Variants in DUS3L observed in about 807,000 individuals in gnomAD.
The protein encoded by DUS3L is tRNA-dihydrouridine(47) synthase [NAD(P)(+)]-like.
DUS3L carries 62 observed loss-of-function variants against 74.6 expected under a neutral mutation model. That is an observed-to-expected ratio of 0.83 (90% CI 0.68 to 1.03). The LOEUF is 1.03. Ranked by LOEUF, DUS3L falls within the 50% of genes least tolerant of loss-of-function variation. The pLI, the probability that DUS3L is intolerant of heterozygous loss-of-function variation, is 0.00. For synonymous variants in DUS3L, 433 were observed against 395.7 expected, an observed-to-expected ratio of 1.09 and a Z score of -1.12; for missense variants, 884 against 924.4, an observed-to-expected ratio of 0.96 and a Z score of 0.57.
In DUS3L at chr19:5,786,774, C is replaced by T; in HGVS notation, c.1461G>A (p.Gln487=). Residue 487 remains glutamine, a synonymous_variant, in exon 9 of 13, where the codon CAG becomes CAA. Coordinates refer to ENST00000309061, the MANE Select transcript of DUS3L (RefSeq NM_020175.3). ...ADWQYIEECV[Q]AASPMPLFGN... is the part of the protein sequence containing the mutation. ...CGAACAGGGGCATGGGGCTGGCGGC[C>T]TGCACGCACTCCTCGATGTACTGCC... 2 of 1,612,206 alleles carry T rather than the reference C, an allele frequency of 1.2e-6. No individual in the cohort carries two copies. Among genetic ancestry groups the T allele is most frequent in the Non-Finnish European group, 1.7e-6 (2 of 1,179,830 alleles).
At position 5,786,560 on chromosome 19, in the gene DUS3L, G is replaced by A; in HGVS notation, c.1487-18C>T. ...CCCATTTCCTGAGGAGACAGAGGCT[G>A]GGGTCTCAGGGAGACATGGGCAGGT... On this transcript the variant is annotated intron_variant, in intron 9 of 12. Transcript: ENST00000309061. The A allele has an allele frequency of 6.2e-7, 1 of 1,611,714 alleles. No homozygotes were observed.
chr19:5,787,932 C>A, intron 5 of DUS3L, 92 bp downstream of exon 5: 1 of 1,553,978 alleles, frequency 6.4e-7, no homozygotes, highest in South Asian at 1.2e-5. Flanking sequence ...GCCAGGGGGT[C>A]AGGGAGGCAA....
intron 1 of DUS3L, among the ~76,000 whole-genome samples, chr19:5,790,668 T>C (rs76694044): frequency 0.017 from 2,614 of 152,074 alleles, 39 homozygotes; most frequent in Middle Eastern, 0.037. Flanking sequence ...TTTCGGCCCT[T>C]CAAACACCGC....
At chr19:5,789,085 TC>T in intron 3 of DUS3L, 121 bp downstream of exon 3, 1 of 1,375,476 alleles carries the variant, frequency 7.3e-7, no homozygotes, top group Admixed American at 3.0e-5. Flanking sequence ...AGCCAGGAGC[TC>T]CCTCAAGGCA....
chr19:5,786,193 C>T (rs908866838), intron 10 of DUS3L, among the ~76,000 whole-genome samples: 3 of 152,188 alleles, frequency 2.0e-5, no homozygotes, highest in Admixed American at 1.3e-4. Flanking sequence ...AAATGATCGG[C>T]GTGCCTTGGC....
rs886452751 is a variant in DUS3L at position 5,789,705 on chromosome 19, C to T, written c.402G>A (p.Lys134=). 10 of 1,605,878 alleles carry T rather than the reference C, an allele frequency of 6.2e-6. No individual in the cohort carries two copies. The highest frequency in any genetic ancestry group is 7.6e-6 in the Non-Finnish European group (9 of 1,177,268). ...CPSLIQESAA[K]CFFGDRCRFL... is the part of the protein sequence containing the mutation. The stretch of plus-strand genomic sequence containing the variant: ...AGCGGCAGCGATCACCGAAGAAACA[C>T]TTAGCAGCCGACTCCTGCGAGGAAA... The change falls in exon 3 of 13, where the codon AAG becomes AAA. Residue 134 remains lysine, a synonymous_variant. Transcript: ENST00000309061.
chr19:5,786,508 G>A lies in DUS3L; in HGVS notation c.1521C>T (p.Asn507=). The A allele has an allele frequency of 1.2e-6, 2 of 1,613,156 alleles. No individual in the cohort carries two copies. The highest frequency in any genetic ancestry group is 1.7e-4 in the Middle Eastern group (1 of 6,050). The change falls in exon 10 of 13, where the codon AAC becomes AAT. Residue 507 remains asparagine (N), a synonymous_variant. Coordinates refer to ENST00000309061, the MANE Select transcript of DUS3L (RefSeq NM_020175.3). ...CGGTGACACCAGTCTGCATGGCGCG[G>A]TTGGCATCCTCAAATGACAAGATGT... ...NGDILSFEDA[N]RAMQTGVTGI...
chr19:5,789,805 T>C (rs2056892044), intron 2 of DUS3L, 86 bp from the exon 3 acceptor site: 4 of 1,505,524 alleles, frequency 2.7e-6, no homozygotes, highest in African/African-American at 2.8e-5. Context: ...AGATCACCCC[T>C]CCTGGCTCTT....
In DUS3L at chr19:5,785,725, C is replaced by A; in HGVS notation, c.1629G>T (p.Ser543=). ...CCCGCAGGATGTCCAGGCGCTCGGA[C>A]GACGAGATGTCCCAGTGCCGCTGCT... ...IKEQRHWDIS[S]SERLDILRDF... Residue 543 remains serine (S), a synonymous_variant, in exon 11 of 13, where the codon TCG becomes TCT. Transcript: ENST00000309061. 1 of 1,611,776 alleles carries A rather than the reference C, an allele frequency of 6.2e-7. No individual in the cohort carries two copies. Among genetic ancestry groups the A allele is most frequent in the Admixed American group, 1.7e-5 (1 of 59,876 alleles).
Position 5,785,794 on chromosome 19 carries a change from G to A in DUS3L, c.1563-3C>T. ...GCCACGGCTTGAGCAGGGCGCCACT[G>A]TGGGACGGGTGACGATCAGTGGGCC... is the stretch of plus-strand genomic sequence containing the variant. On this transcript the variant is annotated splice_region_variant and splice_polypyrimidine_tract_variant and intron_variant, in intron 10 of 12. Transcript: ENST00000309061. 6.3e-7 allele frequency: 1 copy of A among 1,580,728 alleles called. No homozygotes were observed. Among genetic ancestry groups the A allele is most frequent in the South Asian group, 1.1e-5 (1 of 87,036 alleles).
chr19:5,788,388 C>T lies in DUS3L; in HGVS notation c.911G>A (p.Arg304His), dbSNP rs947392873. ...GAGGGGGGCCAGGTAAAGTTTGCCA[C>T]GGATGTCCAGCTGGAGGGAAAAAAA... is the stretch of plus-strand genomic sequence containing the variant. The part of the protein sequence containing the change: ...RPCEKKRLDI[R>H]GKLYLAPLTT... The change falls in exon 4 of 13, where the codon CGT (arginine) becomes CAT (histidine). Residue 304 changes from arginine to histidine, a missense_variant. Physicochemically the swap from Arg to His is conservative, Grantham distance 29. Coordinates refer to ENST00000309061, the MANE Select transcript of DUS3L (RefSeq NM_020175.3). 7.4e-6 allele frequency: 12 copies of T among 1,613,466 alleles called. No homozygotes were observed. Among genetic ancestry groups the T allele is most frequent in the African/African-American group, 4.0e-5 (3 of 74,932 alleles).
In DUS3L at chr19:5,789,682, C is replaced by T; in HGVS notation, c.425G>A (p.Arg142His). 5 of 1,608,824 alleles carry T rather than the reference C, an allele frequency of 3.1e-6. No homozygotes were observed. The highest frequency in any genetic ancestry group is 1.7e-5 in the Admixed American group (1 of 59,198). ...AAKCFFGDRCRFLHDVGRYLE... is the reference protein window; with the variant it reads ...AAKCFFGDRCHFLHDVGRYLE... ...GTAGCGCCCCACGTCGTGCAGAAAG[C>T]GGCAGCGATCACCGAAGAAACACTT... is the stretch of plus-strand genomic sequence containing the variant. The change falls in exon 3 of 13, where the codon CGC becomes CAC. Residue 142 changes from arginine (R) to histidine (H), a missense_variant. Arg to His is a conservative substitution (Grantham distance 29). Coordinates refer to ENST00000309061, the MANE Select transcript of DUS3L (RefSeq NM_020175.3).
At chr19:5,790,652 C>T (rs1227056989) in intron 1 of DUS3L, among the ~76,000 whole-genome samples, 3 of 152,192 alleles carry the variant, frequency 2.0e-5, no homozygotes, top group Non-Finnish European at 2.9e-5. Context: ...CATTTCCCAG[C>T]ACGCCTTTCG....
chr19:5,790,018 G>T, intron 2 of DUS3L, 29 bp downstream of exon 2: 2 of 1,607,068 alleles, frequency 1.2e-6, no homozygotes, highest in Non-Finnish European at 8.5e-7. Context: ...TGCCTGCCCC[G>T]GCAGGAATGC....
chr19:5,785,872 G>A, intron 10 of DUS3L, 81 bp from the exon 11 acceptor site: 1 of 1,429,220 alleles, frequency 7.0e-7, no homozygotes, highest in Non-Finnish European at 9.3e-7. Flanking sequence ...GGCCTGGCCT[G>A]AGCCGGAGCC....
At position 5,788,356 on chromosome 19, in the gene DUS3L, C is replaced by T. The variant is rs1267233475; in HGVS notation, c.942+1G>A. On this transcript the variant is annotated splice_donor_variant, in intron 4 of 12. Transcript: ENST00000309061. LOFTEE classifies it high-confidence loss of function. ...GACCAGCCACCTGACCCAGGTCCTA[C>T]CGTGGTGAGGGGGGCCAGGTAAAGT... The T allele has an allele frequency of 1.2e-6, 2 of 1,613,656 alleles. No individual in the cohort carries two copies. The highest frequency in any genetic ancestry group is 4.5e-5 in the East Asian group (2 of 44,890).
chr19:5,786,917 A>C (rs1429452987), intron 8 of DUS3L, 72 bp from the exon 9 acceptor site: 1 of 1,518,176 alleles, frequency 6.6e-7, no homozygotes, highest in African/African-American at 1.4e-5. Context: ...CAAGAGAGCC[A>C]GGCTGAGAGA....
chr19:5,785,803 G>A lies in DUS3L; in HGVS notation c.1563-12C>T. Reference sequence around the variant, plus strand: ...TGAGCAGGGCGCCACTGTGGGACGGGTGACGATCAGTGGGCCCAGCCACCA... The same window carrying A: ...TGAGCAGGGCGCCACTGTGGGACGGATGACGATCAGTGGGCCCAGCCACCA... On this transcript the variant is annotated splice_polypyrimidine_tract_variant and intron_variant, in intron 10 of 12. Transcript: ENST00000309061. 2 of 1,565,900 alleles carry A rather than the reference G, an allele frequency of 1.3e-6. No individual in the cohort carries two copies. The highest frequency in any genetic ancestry group is 1.7e-6 in the Non-Finnish European group (2 of 1,155,320).
In DUS3L at chr19:5,790,208, G is replaced by A. The variant is rs779622871; in HGVS notation, c.226C>T (p.Arg76Ter). ...ELAEPEAKRI[R>*]LEDGQTADGQ... ...TCCGCCGTCTGTCCATCCTCCAGTC[G>A]GATCCGCTTAGCCTCAGGCTCAGCC... The change falls in exon 2 of 13, where the codon CGA becomes TGA. Residue 76 changes from arginine to a stop codon, truncating the protein, a stop_gained. Coordinates refer to ENST00000309061, the MANE Select transcript of DUS3L (RefSeq NM_020175.3). LOFTEE classifies it high-confidence loss of function. 2 of 1,614,008 alleles carry A rather than the reference G, an allele frequency of 1.2e-6. No individual in the cohort carries two copies. Among genetic ancestry groups the A allele is most frequent in the South Asian group, 1.1e-5 (1 of 91,086 alleles).
Sources: gnomAD v4.1 joint callset for allele counts (sites outside exome capture counted in the v4.1 genomes callset) on GRCh38, gnomAD v4.1.1 for gene constraint, MANE v1.5 for transcripts, NCBI Gene and HGNC (gene_info 2026-07-23, HGNC 2026-07-21) for gene names.